Variants in PAX5 observed in about 807,000 individuals in gnomAD.
PAX5 encodes paired box 5, also known as paired box protein Pax-5.
In PAX5, 9 loss-of-function variants were observed where a neutral mutation model predicts 43.7. The ratio of observed to expected loss-of-function variants is 0.21; its 90% CI spans 0.12 to 0.36. PAX5 has a LOEUF of 0.36. Ranked by LOEUF, PAX5 falls within the 10% of genes least tolerant of loss-of-function variation. PAX5 has a pLI of 1.00. For missense variants in PAX5, 383 were observed against 532.7 expected, an observed-to-expected ratio of 0.72 and a Z score of 2.77; for synonymous variants, 228 against 214.3, an observed-to-expected ratio of 1.06 and a Z score of -0.56.
At chr9:36,890,152 G>A (rs1374259689) in intron 7 of PAX5, among the ~76,000 whole-genome samples, 1 of 151,992 alleles carries the variant, frequency 6.6e-6, no homozygotes, top group East Asian at 1.9e-4. Flanking sequence ...CCTTCACTTT[G>A]AATACCATAG....
intron 1 of PAX5, among the ~76,000 whole-genome samples, chr9:37,025,187 C>A (rs1163014435): frequency 2.0e-5 from 3 of 152,196 alleles, no homozygotes; most frequent in African/African-American, 7.2e-5. Flanking sequence ...AGCTCCCCAC[C>A]GCTTTGGTGG....
intron 8 of PAX5, among the ~76,000 whole-genome samples, chr9:36,848,357 C>CACACACACACACACACACAG (rs1822800127): frequency 6.6e-6 from 1 of 151,014 alleles, no homozygotes; most frequent in African/African-American, 2.4e-5. Flanking sequence ...TGTCCACACA[C>CACACACACACACACACACAG]ACACACACAC....
chr9:37,017,099 C>A (rs779985378), intron 2 of PAX5, among the ~76,000 whole-genome samples: 10 of 152,150 alleles, frequency 6.6e-5, no homozygotes, highest in Admixed American at 2.0e-4. Context: ...TAGAAAAGCA[C>A]CCTAAGTCAA....
chr9:36,874,353 C>T (rs1029884184), intron 8 of PAX5, among the ~76,000 whole-genome samples: 1 of 152,230 alleles, frequency 6.6e-6, no homozygotes, highest in African/African-American at 2.4e-5. Context: ...CACCTGTCTG[C>T]AGAAGGCCTC....
At chr9:36,868,385 G>A (rs1268490255) in intron 8 of PAX5, among the ~76,000 whole-genome samples, 2 of 152,248 alleles carry the variant, frequency 1.3e-5, no homozygotes, top group African/African-American at 2.4e-5. Flanking sequence ...GACCTCAGAC[G>A]CAGCCAGGAG....
chr9:37,007,886 G>A (rs1270269768), intron 3 of PAX5: 1 of 152,010 alleles, frequency 6.6e-6, no homozygotes, highest in Non-Finnish European at 1.5e-5. Flanking sequence ...TGTTGTGGTG[G>A]TTGTTTGTTT....
At chr9:36,853,677 G>A (rs1404653602) in intron 8 of PAX5, among the ~76,000 whole-genome samples, 1 of 152,210 alleles carries the variant, frequency 6.6e-6, no homozygotes, top group East Asian at 1.9e-4. Flanking sequence ...TATAGAAGAC[G>A]TGACTGTAAA....
At chr9:37,029,198 A>G (rs112095026) in intron 1 of PAX5, among the ~76,000 whole-genome samples, 2,015 of 152,254 alleles carry the variant, frequency 0.013, 52 homozygotes, top group African/African-American at 0.045. Context: ...GCTGATCATG[A>G]GAGGATTCCT....
intron 9 of PAX5, among the ~76,000 whole-genome samples, chr9:36,842,760 G>T (rs1198990992): frequency 6.6e-6 from 1 of 152,064 alleles, no homozygotes; most frequent in Non-Finnish European, 1.5e-5. Context: ...GACCGCAGCC[G>T]GCCTTTCTTC....
At chr9:37,028,110 A>T (rs2132549705) in intron 1 of PAX5, among the ~76,000 whole-genome samples, 1 of 152,318 alleles carries the variant, frequency 6.6e-6, no homozygotes, top group African/African-American at 2.4e-5. Flanking sequence ...GAAGTCTCCA[A>T]AAAAACCAAA....
intron 9 of PAX5, among the ~76,000 whole-genome samples, chr9:36,843,373 T>C (rs926527103): frequency 6.6e-6 from 1 of 152,082 alleles, no homozygotes; most frequent in African/African-American, 2.4e-5. Flanking sequence ...AGGCTGTGGG[T>C]TGGGGAGGCA....
intron 8 of PAX5, among the ~76,000 whole-genome samples, chr9:36,859,133 G>A (rs919846510): frequency 6.6e-6 from 1 of 152,162 alleles, no homozygotes; most frequent in African/African-American, 2.4e-5. Context: ...ACCCCGAGGA[G>A]CGCGCTCAAT....
chr9:37,005,564 A>G (rs6476606), intron 4 of PAX5, among the ~76,000 whole-genome samples: 97,762 of 152,124 alleles, frequency 0.64, 31,742 homozygotes, highest in Middle Eastern at 0.84. Flanking sequence ...GGTAATGACA[A>G]AGTTGGAACT....
intron 7 of PAX5, among the ~76,000 whole-genome samples, chr9:36,887,021 C>A (rs1166287174): frequency 6.6e-6 from 1 of 152,144 alleles, no homozygotes; most frequent in Admixed American, 6.5e-5. Context: ...CAGGGATCTG[C>A]CCCTGTTGTA....
At chr9:36,996,314 C>T (rs1042607047) in intron 5 of PAX5, among the ~76,000 whole-genome samples, 1 of 152,274 alleles carries the variant, frequency 6.6e-6, no homozygotes, top group Admixed American at 6.5e-5. Context: ...TCACTGTAAC[C>T]CACAAGGCTT....
rs143503926 is a variant in PAX5, at chr9:36,979,026, G to A, written c.605-12302C>T. On this transcript the variant is annotated intron_variant, in intron 5 of 9. Transcript: ENST00000358127. ...TGCTTTAACTCATTGAACCTATCAG[G>A]CCTGAGTTAATCTCACTGTCCACTG... 6.6e-5 allele frequency among the ~76,000 whole-genome samples: 10 copies of A among 152,250 alleles called. No individual in the cohort carries two copies. In the East Asian group the frequency reaches 1.9e-3, roughly 29 times the overall value.
In PAX5 at chr9:37,034,098, C is replaced by CTTTTTTTTTTTTTTTTTTTTTT. The variant is rs576653546; in HGVS notation, c.-89_-68dup. 9.2e-4 allele frequency: 293 copies of CTTTTTTTTTTTTTTTTTTTTTT among 320,056 alleles called. 34 individuals are homozygous for CTTTTTTTTTTTTTTTTTTTTTT. Among genetic ancestry groups the CTTTTTTTTTTTTTTTTTTTTTT allele is most frequent in the East Asian group, 4.0e-3 (74 of 18,416 alleles). 19.8% of individuals were successfully genotyped at this position (320,056 alleles called of 1,614,324 possible). A position where few individuals can be genotyped will look rare whatever the true frequency, so the allele number is the denominator to read the frequency against. On this transcript the variant is annotated 5_prime_UTR_variant, in exon 1 of 10. Transcript: ENST00000358127. ...TCCACTTTTTTGTGCCTTTTTTTTT[C>CTTTTTTTTTTTTTTTTTTTTTT]TTTTTTTTTTTTTTTTTTTTTTTTT...
At chr9:37,033,652 C>G (rs1020976792) in intron 1 of PAX5, among the ~76,000 whole-genome samples, 1 of 151,910 alleles carries the variant, frequency 6.6e-6, no homozygotes, top group Non-Finnish European at 1.5e-5. Flanking sequence ...TGGACACAAA[C>G]TCATATATTT....
In PAX5 at chr9:36,838,130, C is replaced by T. The variant is rs1587713005; in HGVS notation, c.*2430G>A. 12 of 233,332 alleles carry T rather than the reference C, an allele frequency of 5.1e-5. No individual in the cohort carries two copies. The East Asian group carries it at 7.2e-4, about 14-fold the overall frequency. The allele number at this position is 233,332 out of a possible 1,614,324, so 14.5% of individuals were successfully genotyped here. A position where few individuals can be genotyped will look rare whatever the true frequency, so the allele number is the denominator to read the frequency against. On this transcript the variant is annotated 3_prime_UTR_variant, in exon 10 of 10. Transcript: ENST00000358127. ...GGAAGCTGCAGCCAGCTCACCCTGG[C>T]TCCTGGAGGTGGACTCTGGCCCCAA...
Sources: allele counts gnomAD v4.1 joint callset (sites outside exome capture counted in the v4.1 genomes callset), GRCh38; gene constraint gnomAD v4.1.1; transcripts MANE v1.5; gene names NCBI Gene and HGNC (gene_info 2026-07-23, HGNC 2026-07-21).